Variants in DPP10 observed in about 807,000 individuals in gnomAD.
DPP10 encodes dipeptidyl peptidase like 10.
DPP10 carries 33 observed loss-of-function variants against 120.9 expected under a neutral mutation model. The ratio of observed to expected loss-of-function variants is 0.27; its 90% confidence interval spans 0.21 to 0.37. The LOEUF (loss-of-function observed/expected upper bound fraction) is 0.37. Among genes scored for constraint, DPP10 ranks in the 10% least tolerant of loss-of-function variants. DPP10 has a pLI of 1.00. For missense variants in DPP10, 816 were observed against 942.8 expected (o/e 0.87, Z 1.76); for synonymous variants, 337 against 326.1 (o/e 1.03, Z -0.36).
chr2:115,171,531 A>G (rs1416777418), intron 1 of DPP10, among the ~76,000 whole-genome samples: 1 of 152,012 alleles, frequency 6.6e-6, no homozygotes, highest in Non-Finnish European at 1.5e-5. Context: ...TTGTATTCAA[A>G]TCAGGAAACA....
intron 1 of DPP10, among the ~76,000 whole-genome samples, chr2:114,570,640 A>G (rs1689562561): frequency 6.6e-6 from 1 of 151,624 alleles, no homozygotes; most frequent in Non-Finnish European, 1.5e-5. Flanking sequence ...CCTGGCTAAT[A>G]TGGTGAAACC....
intron 1 of DPP10, among the ~76,000 whole-genome samples, chr2:114,969,562 A>G (rs1474393645): frequency 1.3e-5 from 2 of 152,192 alleles, no homozygotes; most frequent in African/African-American, 4.8e-5. Flanking sequence ...TTCCAAGGAT[A>G]ATCTGCTTGA....
At chr2:115,453,735 A>T (rs1452162048) in intron 3 of DPP10, among the ~76,000 whole-genome samples, 1 of 151,544 alleles carries the variant, frequency 6.6e-6, no homozygotes, top group African/African-American at 2.4e-5. Context: ...AAACTTAACA[A>T]CAGAAAAGCA....
At chr2:115,077,225 CAT>C (rs1455588833) in intron 1 of DPP10, among the ~76,000 whole-genome samples, 9 of 152,220 alleles carry the variant, frequency 5.9e-5, no homozygotes, top group African/African-American at 2.2e-4. Flanking sequence ...ATCAAAATAA[CAT>C]GAGTAAAATC....
intron 3 of DPP10, among the ~76,000 whole-genome samples, chr2:115,485,895 T>C (rs1355435687): frequency 1.3e-5 from 2 of 152,142 alleles, no homozygotes; most frequent in Admixed American, 1.3e-4. Context: ...TTCTATAATG[T>C]CAACTGAGAG....
At chr2:115,331,205 A>T (rs1441593442) in intron 2 of DPP10, among the ~76,000 whole-genome samples, 1 of 152,038 alleles carries the variant, frequency 6.6e-6, no homozygotes, top group African/African-American at 2.4e-5. Context: ...ATGGGAGTTC[A>T]CTCATGATTT....
chr2:114,465,252 G>A (rs1324230567), intron 1 of DPP10, among the ~76,000 whole-genome samples: 1 of 152,190 alleles, frequency 6.6e-6, no homozygotes, highest in Admixed American at 6.5e-5. Context: ...GGACACATAC[G>A]AAGTGTTTAG....
At chr2:115,495,745 G>T (rs2076362150) in intron 3 of DPP10, among the ~76,000 whole-genome samples, 1 of 152,022 alleles carries the variant, frequency 6.6e-6, no homozygotes, top group South Asian at 2.1e-4. Flanking sequence ...TAGATCTCAG[G>T]GTACACAGGC....
At chr2:115,299,424 G>A (rs919000285) in intron 1 of DPP10, among the ~76,000 whole-genome samples, 3 of 151,928 alleles carry the variant, frequency 2.0e-5, no homozygotes, top group Non-Finnish European at 4.4e-5. Context: ...TGAAAGGATT[G>A]GAATGCTGAT....
intron 1 of DPP10, among the ~76,000 whole-genome samples, chr2:115,194,349 T>A (rs1409923451): frequency 1.3e-5 from 2 of 152,076 alleles, no homozygotes; most frequent in Admixed American, 6.5e-5. Context: ...CTCAGCCTCC[T>A]GAGTAGCTGG....
rs147791418 is a variant in DPP10, at chr2:115,317,872, G to T, written c.175+8519G>T. ...TCTTTATTCCGGATATTAATCTCTT[G>T]TCAGAAACATATTTTCATATACTTT... On this transcript the variant is annotated intron_variant, in intron 2 of 25. Transcript: ENST00000410059. Among the ~76,000 whole-genome samples the T allele has an allele frequency of 3.2e-4, 49 of 152,000 alleles. No homozygotes were observed. In the East Asian group the frequency reaches 7.9e-3, roughly 25 times the overall value.
At chr2:115,189,781 T>C (rs1360294976) in intron 1 of DPP10, among the ~76,000 whole-genome samples, 2 of 152,170 alleles carry the variant, frequency 1.3e-5, no homozygotes, top group African/African-American at 2.4e-5. Flanking sequence ...AGATGCATGC[T>C]ATGACACAAC....
At position 114,942,625 on chromosome 2, in the gene DPP10, A is replaced by G. The variant is rs1007193101; in HGVS notation, c.61-366614A>G. ...TGCAGCTACTCTAAGATCTGTTCCT[A>G]TATGCATTATTATCTGCAAACATTC... On this transcript the variant is annotated intron_variant, in intron 1 of 25. Transcript: ENST00000410059. Among the ~76,000 whole-genome samples, 4 of 151,354 alleles carry G rather than the reference A, an allele frequency of 2.6e-5. No individual in the cohort carries two copies. In the East Asian group the frequency reaches 7.8e-4, roughly 30 times the overall value.
intron 1 of DPP10, among the ~76,000 whole-genome samples, chr2:114,952,014 A>G (rs1346963044): frequency 1.3e-5 from 2 of 151,962 alleles, no homozygotes; most frequent in African/African-American, 4.8e-5. Flanking sequence ...CATAAGTACT[A>G]TATTTTATAA....
intron 1 of DPP10, among the ~76,000 whole-genome samples, chr2:115,062,126 TTC>T (rs1462497896): frequency 1.8e-5 from 2 of 113,696 alleles, no homozygotes; most frequent in Non-Finnish European, 3.4e-5. Flanking sequence ...AAGATTACAG[TTC>T]TGTGTGTGTG....
At chr2:115,339,387 AAAG>A in intron 2 of DPP10, among the ~76,000 whole-genome samples, 1 of 152,298 alleles carries the variant, frequency 6.6e-6, no homozygotes, top group South Asian at 2.1e-4. Context: ...CTACTGTAAA[AAAG>A]CATATGGAAT....
At chr2:114,889,104 C>G (rs1692327435) in intron 1 of DPP10, among the ~76,000 whole-genome samples, 1 of 152,144 alleles carries the variant, frequency 6.6e-6, no homozygotes, top group Non-Finnish European at 1.5e-5. Flanking sequence ...GGATGGTCAT[C>G]TACAAGCCAA....
intron 1 of DPP10, among the ~76,000 whole-genome samples, chr2:114,883,690 A>G (rs1402357136): frequency 6.6e-6 from 1 of 152,200 alleles, no homozygotes; most frequent in Non-Finnish European, 1.5e-5. Context: ...CCTGCTATTA[A>G]AAAGCAACTG....
chr2:115,066,752 C>T (rs1050846733), intron 1 of DPP10: 1 of 152,114 alleles, frequency 6.6e-6, no homozygotes, highest in Non-Finnish European at 1.5e-5. Context: ...GAATAATTCT[C>T]TCCTTTTTAG....
Sources: gnomAD v4.1 joint callset for allele counts (sites outside exome capture counted in the v4.1 genomes callset) on GRCh38, gnomAD v4.1.1 for gene constraint, MANE v1.5 for transcripts, NCBI Gene and HGNC (gene_info 2026-07-23, HGNC 2026-07-21) for gene names.